LONRF3: variants seen among roughly 807,000 people sequenced by gnomAD.
LONRF3 encodes LON peptidase N-terminal domain and RING finger protein 3.
In LONRF3, 19 loss-of-function variants were observed where a neutral mutation model predicts 51.7. The ratio of observed to expected loss-of-function variants is 0.37; its 90% CI spans 0.26 to 0.54. The LOEUF is 0.54. LONRF3 is among the 20% of genes least tolerant of loss of function. LONRF3 has a pLI of 0.86. For missense variants in LONRF3, 521 were observed against 623.9 expected, an observed-to-expected ratio of 0.84 and a Z score of 1.76; for synonymous variants, 265 against 257.8, an observed-to-expected ratio of 1.03 and a Z score of -0.27.
chrX:118,975,277 C>T lies in LONRF3; in HGVS notation c.497C>T (p.Ser166Leu). ...TGCCGGAAATGTCATGGGTTTCTAT[C>T]AGACCCCGTGTCCTTGTCGTGTGGC... is the stretch of plus-strand genomic sequence containing the variant. ...FKCRKCHGFL[S>L]DPVSLSCGHT... Residue 166 changes from serine to leucine, a missense_variant, in exon 1 of 11, where the codon TCA becomes TTA. Ser to Leu is a moderately radical substitution (Grantham distance 145). Around this residue, in one of 2 missense-constraint regions of LONRF3, gnomAD observed 376 missense variants for 376.7 expected, o/e 1.00. Coordinates refer to ENST00000371628, the MANE Select transcript of LONRF3 (RefSeq NM_001031855.3). 8.3e-7 allele frequency: 1 copy of T among 1,210,236 alleles called. No individual in the cohort carries two copies.
Position 118,982,830 on chromosome X carries a change from A to G in LONRF3, c.946A>G (p.Arg316Gly). 8.3e-7 allele frequency: 1 copy of G among 1,211,753 alleles called. No homozygotes were observed. Among genetic ancestry groups the G allele is most frequent in the Non-Finnish European group, 1.1e-6 (1 of 895,348 alleles). ...TAATGTTTCCTTCCAGGCACATTTC[A>G]GAAAAGCCCAAGCCTTAGCCACCCT... is the stretch of plus-strand genomic sequence containing the variant. The part of the protein sequence containing the change: ...LRPMGFKAHF[R>G]KAQALATLGK... The change falls in exon 3 of 11, where the codon AGA becomes GGA. Residue 316 changes from arginine (R) to glycine (G), a missense_variant. Arg to Gly is a moderately radical substitution (Grantham distance 125). This residue lies in a region of LONRF3 where 376 missense variants were observed against 376.7 expected (regional missense o/e 1.00). Transcript: ENST00000371628.
chrX:118,999,930 C>T (rs772604543), intron 5 of LONRF3, among the ~76,000 whole-genome samples: 1 of 111,944 alleles, frequency 8.9e-6, no homozygotes, highest in Non-Finnish European at 1.9e-5. Flanking sequence ...AACTTTGGAT[C>T]TTGAGGTTCT....
Position 118,979,638 on chromosome X carries a change from G to A in LONRF3, c.936+1175G>A, listed in dbSNP as rs189238665. Among the ~76,000 whole-genome samples, 287 of 111,852 alleles carry A rather than the reference G, an allele frequency of 2.6e-3. 6 individuals are homozygous for A. Among genetic ancestry groups the A allele is most frequent in the Admixed American group, 0.021 (220 of 10,537 alleles). ...TTTTTATCATTTTCCAGGGACATTA[G>A]AAAGAGGAAGGTGAGAGTGGTGTTG... is the stretch of plus-strand genomic sequence containing the variant. On this transcript the variant is annotated intron_variant, in intron 2 of 10. Coordinates refer to ENST00000371628, the MANE Select transcript of LONRF3 (RefSeq NM_001031855.3).
At chrX:118,995,049 A>G (rs770485321) in intron 5 of LONRF3, among the ~76,000 whole-genome samples, 106 of 112,366 alleles carry the variant, frequency 9.4e-4, no homozygotes, top group Non-Finnish European at 1.5e-3. Context: ...TCTATTCAAC[A>G]GTGCATGAAA....
In LONRF3 at chrX:119,008,130, T is replaced by G. The variant is rs149610065; in HGVS notation, c.1531-996T>G. Among the ~76,000 whole-genome samples the G allele has an allele frequency of 8.1e-3, 902 of 111,402 alleles. 4 individuals are homozygous for G. The highest frequency in any genetic ancestry group is 0.028 in the African/African-American group (851 of 30,606). On this transcript the variant is annotated intron_variant, in intron 6 of 10. Transcript: ENST00000371628. ...CATCCTGGAGACAGATGCTATAGAG[T>G]TCAGGACTTGGGGTCTAGAAGATAT...
intron 9 of LONRF3, 57 bp downstream of exon 9, chrX:119,013,258 A>C (rs900766933): frequency 4.5e-6 from 5 of 1,111,138 alleles, no homozygotes; most frequent in Non-Finnish European, 6.1e-6. Context: ...AACTTGATAC[A>C]CAAAGATAGT....
chrX:118,984,224 G>C (rs1344855416), intron 3 of LONRF3, among the ~76,000 whole-genome samples: 2 of 111,877 alleles, frequency 1.8e-5, no homozygotes, highest in Non-Finnish European at 3.8e-5. Flanking sequence ...CTGGTGATTG[G>C]TGGGAAAGTA....
rs184218116 is a variant in LONRF3 at position 118,985,739 on chromosome X, A to G, written c.1059+2796A>G. Reference sequence around the variant, plus strand: ...TACTACTGTGTAGAACAGGACTGGAATAGTGAGGGAAGGTAGCACTTGAGC... The same window carrying G: ...TACTACTGTGTAGAACAGGACTGGAGTAGTGAGGGAAGGTAGCACTTGAGC... On this transcript the variant is annotated intron_variant, in intron 3 of 10. Coordinates refer to ENST00000371628, the MANE Select transcript of LONRF3 (RefSeq NM_001031855.3). 2.3e-4 allele frequency among the ~76,000 whole-genome samples: 26 copies of G among 111,597 alleles called. No individual in the cohort carries two copies. The East Asian group carries it at 6.8e-3, about 29-fold the overall frequency.
intron 7 of LONRF3, 34 bp from the exon 8 acceptor site, chrX:119,011,781 C>T (rs936291433): frequency 8.3e-7 from 1 of 1,198,639 alleles, no homozygotes; most frequent in African/African-American, 1.8e-5. Context: ...TGTCCGATTG[C>T]TTTGAGATCC....
intron 5 of LONRF3, among the ~76,000 whole-genome samples, chrX:118,998,221 G>A (rs1433813231): frequency 1.8e-5 from 2 of 112,348 alleles, no homozygotes; most frequent in East Asian, 5.5e-4. Context: ...CAACCCAAAT[G>A]CCCATCAACG....
Position 118,977,457 on chromosome X carries a change from G to C in LONRF3, c.818-888G>C, listed in dbSNP as rs185975442. Among the ~76,000 whole-genome samples, 30 of 112,314 alleles carry C rather than the reference G, an allele frequency of 2.7e-4. No homozygotes were observed. In the East Asian group the frequency reaches 8.1e-3, roughly 30 times the overall value. Reference sequence around the variant, plus strand: ...AAGGCCAGCTTTACCCTTCTAAGAGGAAAGGAGGCTCTCTGTTCTGGAAGA... The same window carrying C: ...AAGGCCAGCTTTACCCTTCTAAGAGCAAAGGAGGCTCTCTGTTCTGGAAGA... On this transcript the variant is annotated intron_variant, in intron 1 of 10. Transcript: ENST00000371628.
chrX:119,013,235 A>C lies in LONRF3; in HGVS notation c.1974+34A>C, dbSNP rs757909008. 12 of 1,163,589 alleles carry C rather than the reference A, an allele frequency of 1.0e-5. No individual in the cohort carries two copies. The East Asian group carries it at 3.3e-4, about 32-fold the overall frequency. ...GGCCAGTGCCAAGAATCCCAAAGCCAGGCTATCCTTGTAACTTGATACACA... is the reference window on the plus strand; with the variant it reads ...GGCCAGTGCCAAGAATCCCAAAGCCCGGCTATCCTTGTAACTTGATACACA... On this transcript the variant is annotated intron_variant, in intron 9 of 10. Coordinates refer to ENST00000371628, the MANE Select transcript of LONRF3 (RefSeq NM_001031855.3).
chrX:119,017,768 C>A lies in LONRF3; in HGVS notation c.*78C>A. 1.1e-6 allele frequency: 1 copy of A among 948,591 alleles called. No individual in the cohort carries two copies. Among genetic ancestry groups the A allele is most frequent in the Non-Finnish European group, 1.4e-6 (1 of 700,445 alleles). 78.2% of individuals were successfully genotyped at this position (948,591 alleles called of 1,213,427 possible). ...GTCTTCTTGTAAATATATCTAATTG[C>A]AATAATATCTTAACAGAAGGGGGTG... On this transcript the variant is annotated 3_prime_UTR_variant, in exon 11 of 11. Transcript: ENST00000371628.
chrX:119,013,325 C>T (rs1485660652), intron 9 of LONRF3, 124 bp downstream of exon 9: 12 of 703,823 alleles, frequency 1.7e-5, no homozygotes, highest in African/African-American at 1.5e-4. Context: ...CAAATTGCTG[C>T]AGCAACATTG....
In LONRF3 at chrX:118,975,543, C is replaced by G; in HGVS notation, c.763C>G (p.Arg255Gly). Residue 255 changes from arginine to glycine, a missense_variant, in exon 1 of 11, where the codon CGC becomes GGC. This residue lies in a region of LONRF3 where 376 missense variants were observed against 376.7 expected (regional missense o/e 1.00). Transcript: ENST00000371628. ...QLRHEGNRLY[R>G]ERQVEAALLK... ...CCGGCACGAGGGCAACCGACTGTAC[C>G]GCGAGCGCCAGGTGGAGGCGGCACT... 6.7e-6 allele frequency: 8 copies of G among 1,200,133 alleles called. No homozygotes were observed. Among genetic ancestry groups the G allele is most frequent in the Non-Finnish European group, 6.7e-6 (6 of 891,424 alleles).
chrX:119,003,975 G>A (rs1297467364), intron 5 of LONRF3, among the ~76,000 whole-genome samples: 1 of 109,668 alleles, frequency 9.1e-6, no homozygotes, highest in Non-Finnish European at 1.9e-5. Context: ...ATAATTGTGT[G>A]TGCACGTGTG....
At chrX:118,978,202 A>G in intron 1 of LONRF3, 143 bp from the exon 2 acceptor site, 1 of 465,772 alleles carries the variant, frequency 2.1e-6, no homozygotes, top group Non-Finnish European at 3.8e-6. Flanking sequence ...TATTAGGACT[A>G]GAAATAGAGC....
chrX:119,009,273 G>A, intron 7 of LONRF3, 26 bp downstream of exon 7: 1 of 1,180,100 alleles, frequency 8.5e-7, no homozygotes, highest in Non-Finnish European at 1.1e-6. Flanking sequence ...TTTCTGTTTT[G>A]TTTCACTCAT....
intron 3 of LONRF3, among the ~76,000 whole-genome samples, chrX:118,985,135 G>A (rs1402183724): frequency 2.7e-5 from 3 of 112,142 alleles, no homozygotes; most frequent in African/African-American, 9.7e-5. Flanking sequence ...AATGAAGAAG[G>A]GAACTGCTGT....
Sources: allele counts gnomAD v4.1 joint callset (sites outside exome capture counted in the v4.1 genomes callset), GRCh38; gene constraint gnomAD v4.1.1; regional missense constraint gnomAD v4.1.1; transcripts MANE v1.5; gene names NCBI Gene and HGNC (gene_info 2026-07-23, HGNC 2026-07-21).